IPO5: variants seen among roughly 807,000 people sequenced by gnomAD.
IPO5 encodes the protein importin-5.
In IPO5, 18 loss-of-function variants were observed where a neutral mutation model predicts 143.3. The ratio of observed to expected loss-of-function variants is 0.13; its 90% CI spans 0.09 to 0.19. The LOEUF is 0.19. IPO5 is among the 10% of genes least tolerant of loss of function. The pLI is 1.00. For missense variants in IPO5, 1,013 were observed against 1,336.9 expected, an observed-to-expected ratio of 0.76 and a Z score of 3.78; for synonymous variants, 477 against 465.7, an observed-to-expected ratio of 1.02 and a Z score of -0.31.
chr13:97,990,501 C>T lies in IPO5; in HGVS notation c.633C>T (p.Phe211=). Residue 211 remains phenylalanine, a synonymous_variant, in exon 9 of 29, where the codon TTC becomes TTT. Coordinates refer to ENST00000651721, the MANE Select transcript of IPO5 (RefSeq NM_002271.6). ...CAAATGAGCATAATGTTGCTCTGTT[C>T]AAACATTTTGCAGACTTGCTACCGG... ...ILANEHNVAL[F]KHFADLLPGF... 2 of 1,603,048 alleles carry T rather than the reference C, an allele frequency of 1.2e-6. No individual in the cohort carries two copies. The highest frequency in any genetic ancestry group is 1.7e-6 in the Non-Finnish European group (2 of 1,176,968).
At chr13:97,996,163 C>T (rs1432312484) in intron 11 of IPO5, among the ~76,000 whole-genome samples, 1 of 152,138 alleles carries the variant, frequency 6.6e-6, no homozygotes, top group African/African-American at 2.4e-5. Context: ...TCTCAGCTCA[C>T]TGCAGCCTCC....
chr13:97,986,202 TG>T (rs1887328950), intron 6 of IPO5, among the ~76,000 whole-genome samples: 1 of 152,208 alleles, frequency 6.6e-6, no homozygotes, highest in Admixed American at 6.5e-5. Flanking sequence ...AAATCTATAA[TG>T]TTTTAGAAGC....
At chr13:97,997,293 C>T (rs1274114097) in intron 11 of IPO5, among the ~76,000 whole-genome samples, 1 of 152,054 alleles carries the variant, frequency 6.6e-6, no homozygotes, top group Non-Finnish European at 1.5e-5. Context: ...AGAATGTAAT[C>T]GGATTTGGGA....
At chr13:97,959,650 C>G (rs1884713249) in intron 2 of IPO5, among the ~76,000 whole-genome samples, 1 of 152,000 alleles carries the variant, frequency 6.6e-6, no homozygotes, top group Non-Finnish European at 1.5e-5. Context: ...AGGAGAATTG[C>G]TTGAACCCGG....
chr13:97,972,728 G>A (rs1174390464), intron 3 of IPO5, among the ~76,000 whole-genome samples: 2 of 152,146 alleles, frequency 1.3e-5, no homozygotes, highest in Non-Finnish European at 2.9e-5. Flanking sequence ...CAATGGCAGC[G>A]AATACGGAGT....
chr13:97,993,254 G>A, intron 11 of IPO5, 29 bp downstream of exon 11: 1 of 1,595,222 alleles, frequency 6.3e-7, no homozygotes, highest in Non-Finnish European at 8.6e-7. Context: ...GATAGTTTAT[G>A]TGTATTGTGG....
intron 2 of IPO5, among the ~76,000 whole-genome samples, chr13:97,955,220 C>A (rs1352512139): frequency 6.6e-6 from 1 of 150,410 alleles, no homozygotes; most frequent in Non-Finnish European, 1.5e-5. Flanking sequence ...CAGAGTGGGA[C>A]CCTATCACGA....
At chr13:97,976,593 G>A (rs1394582638) in intron 3 of IPO5, 100 bp from the exon 4 acceptor site, 7 of 256,734 alleles carry the variant, frequency 2.7e-5, no homozygotes, top group Middle Eastern at 2.5e-3. Flanking sequence ...CGCCGCCGCT[G>A]GTGCCGGTCC....
chr13:97,957,042 ACTCC>A (rs2139462753), intron 2 of IPO5, among the ~76,000 whole-genome samples: 1 of 151,996 alleles, frequency 6.6e-6, no homozygotes, highest in East Asian at 1.9e-4. Flanking sequence ...TACTTTTCCC[ACTCC>A]CTCCCACATT....
chr13:97,966,831 G>C (rs1264947715), intron 2 of IPO5, among the ~76,000 whole-genome samples: 1 of 152,118 alleles, frequency 6.6e-6, no homozygotes, highest in African/African-American at 2.4e-5. Flanking sequence ...TTGAGGTCAG[G>C]AGTTCAAGAC....
At chr13:97,959,186 A>G (rs1162116907) in intron 2 of IPO5, among the ~76,000 whole-genome samples, 1 of 149,916 alleles carries the variant, frequency 6.7e-6, no homozygotes, top group Non-Finnish European at 1.5e-5. Flanking sequence ...AAAAAAAAAG[A>G]GAGAGAACAA....
chr13:97,984,759 A>G (rs1055369226), intron 5 of IPO5, among the ~76,000 whole-genome samples: 16 of 152,214 alleles, frequency 1.1e-4, no homozygotes, highest in African/African-American at 3.1e-4. Context: ...ATTAGGTTCA[A>G]TATTCCCAAT....
chr13:97,975,252 C>CG (rs71213659), intron 3 of IPO5, among the ~76,000 whole-genome samples: 3,034 of 35,132 alleles, frequency 0.086, 112 homozygotes, highest in African/African-American at 0.25. Context: ...GGGGGGAGGG[C>CG]GGGGGGGGCT....
In IPO5 at chr13:97,999,972, G is replaced by A. The variant is rs569170151; in HGVS notation, c.1002-567G>A. ...CTGAGAACAGTTTTTAGCCAGTAGC[G>A]GGTGGGGGTGGTCTTGAAAAATAAG... is the stretch of plus-strand genomic sequence containing the variant. On this transcript the variant is annotated intron_variant, in intron 12 of 28. Transcript: ENST00000651721. Among the ~76,000 whole-genome samples the A allele has an allele frequency of 2.3e-4, 35 of 152,242 alleles. 1 individual carries two copies. The South Asian group carries it at 4.6e-3, about 20-fold the overall frequency.
In IPO5 at chr13:98,022,564, TA is replaced by T. The variant is rs1566583707; in HGVS notation, c.*745del. 6.6e-6 allele frequency: 1 copy of T among 152,354 alleles called. No homozygotes were observed. The highest frequency in any genetic ancestry group is 2.4e-5 in the African/African-American group (1 of 41,464). 9.4% of individuals were successfully genotyped at this position (152,354 alleles called of 1,614,324 possible). On this transcript the variant is annotated 3_prime_UTR_variant, in exon 29 of 29. Coordinates refer to ENST00000651721, the MANE Select transcript of IPO5 (RefSeq NM_002271.6). ...ATATAAGAATGATCTAATATTTTTT[TA>T]AAGTAATAGCTATCAGTAATAGCTG...
chr13:97,969,180 T>TC (rs1885616277), intron 2 of IPO5, among the ~76,000 whole-genome samples: 1 of 112,250 alleles, frequency 8.9e-6, no homozygotes. Flanking sequence ...TATATATTTT[T>TC]TTTTTTTTTT....
At chr13:97,963,744 G>T (rs371511999) in intron 2 of IPO5, among the ~76,000 whole-genome samples, 2 of 152,046 alleles carry the variant, frequency 1.3e-5, no homozygotes, top group African/African-American at 4.8e-5. Flanking sequence ...GACTGCTTTG[G>T]TTACTCAGAG....
chr13:97,964,660 A>C (rs1185414422), intron 2 of IPO5, among the ~76,000 whole-genome samples: 1 of 151,744 alleles, frequency 6.6e-6, no homozygotes, highest in Non-Finnish European at 1.5e-5. Flanking sequence ...CGTGTTAGCC[A>C]GGATGGTCTC....
At chr13:97,970,493 C>T (rs972761403) in intron 3 of IPO5, among the ~76,000 whole-genome samples, 1 of 151,976 alleles carries the variant, frequency 6.6e-6, no homozygotes, top group Non-Finnish European at 1.5e-5. Flanking sequence ...TGGTGGCGGG[C>T]GCCTGTAATC....
Sources: allele counts gnomAD v4.1 joint callset (sites outside exome capture counted in the v4.1 genomes callset), GRCh38; gene constraint gnomAD v4.1.1; transcripts MANE v1.5; gene names NCBI Gene and HGNC (gene_info 2026-07-23, HGNC 2026-07-21).